SESTD1: variants seen among roughly 807,000 people sequenced by gnomAD.
SESTD1 encodes the protein SEC14 domain and spectrin repeat-containing protein 1.
SESTD1 carries 43 observed loss-of-function variants against 101.7 expected under a neutral mutation model. The observed-to-expected ratio is 0.42, with a 90% CI of 0.33 to 0.55. The LOEUF (loss-of-function observed/expected upper bound fraction) is 0.55. Among genes scored for constraint, SESTD1 ranks in the 20% least tolerant of loss-of-function variants. SESTD1 has a pLI of 0.07. For missense variants in SESTD1, 647 were observed against 815.1 expected (o/e 0.79, Z 2.51); for synonymous variants, 283 against 286.8 (o/e 0.99, Z 0.13).
chr2:179,262,982 G>C (rs1443647778), intron 1 of SESTD1, among the ~76,000 whole-genome samples: 1 of 152,134 alleles, frequency 6.6e-6, no homozygotes, highest in Non-Finnish European at 1.5e-5. Flanking sequence ...CTTATTCACA[G>C]GGGCTAAAAT....
intron 17 of SESTD1, among the ~76,000 whole-genome samples, chr2:179,111,190 G>A (rs1167726345): frequency 6.6e-6 from 1 of 152,200 alleles, no homozygotes; most frequent in East Asian, 1.9e-4. Flanking sequence ...TTGCAGATGT[G>A]TAATACAACT....
chr2:179,230,118 T>C (rs1229717523), intron 1 of SESTD1, among the ~76,000 whole-genome samples: 436 of 33,160 alleles, frequency 0.013, 23 homozygotes, highest in South Asian at 0.047. Flanking sequence ...TATCTCTTTT[T>C]TTTTTTTTTT....
intron 12 of SESTD1, among the ~76,000 whole-genome samples, chr2:179,122,310 C>T (rs2044771461): frequency 6.6e-6 from 1 of 152,124 alleles, no homozygotes; most frequent in African/African-American, 2.4e-5. Flanking sequence ...GAGAACAAGG[C>T]AAACATGTTG....
chr2:179,182,937 T>C (rs548890576), intron 3 of SESTD1, 143 bp downstream of exon 3: 1 of 512,200 alleles, frequency 2.0e-6, no homozygotes, highest in African/African-American at 2.0e-5. Flanking sequence ...ATGTTATAAG[T>C]CATTGATTTT....
rs2046703908 is a variant in SESTD1 at position 179,215,201 on chromosome 2, G to C, written c.-25-23335C>G. Among the ~76,000 whole-genome samples the C allele has an allele frequency of 1.5e-5, 2 of 134,916 alleles. 1 individual carries two copies. The highest frequency in any genetic ancestry group is 5.6e-4 in the South Asian group (2 of 3,582). The allele number at this position is 134,916 out of a possible 152,430, so 88.5% of individuals were successfully genotyped here. A position where few individuals can be genotyped will look rare whatever the true frequency, so the allele number is the denominator to read the frequency against. ...TTCAAAAAAATCAATGAATGCAGGA[G>C]CTGGTTTTTTGAAAAGATCAACAAA... On this transcript the variant is annotated intron_variant, in intron 1 of 17. Coordinates refer to ENST00000428443, the MANE Select transcript of SESTD1 (RefSeq NM_178123.5).
intron 9 of SESTD1, among the ~76,000 whole-genome samples, chr2:179,137,049 A>G (rs1300783925): frequency 6.6e-6 from 1 of 152,192 alleles, no homozygotes; most frequent in East Asian, 1.9e-4. Context: ...ATGCATTAAT[A>G]ATGGCAGTTT....
At chr2:179,244,290 CT>C (rs1485180220) in intron 1 of SESTD1, among the ~76,000 whole-genome samples, 9 of 151,828 alleles carry the variant, frequency 5.9e-5, no homozygotes, top group Non-Finnish European at 1.2e-4. Flanking sequence ...AACCCCGTCT[CT>C]TACTAAAAAT....
At chr2:179,149,973 A>C (rs573569796) in intron 6 of SESTD1, among the ~76,000 whole-genome samples, 1 of 152,294 alleles carries the variant, frequency 6.6e-6, no homozygotes. Flanking sequence ...CATGCCTGTA[A>C]TCCCAGCATT....
At chr2:179,249,674 G>A (rs186547790) in intron 1 of SESTD1, among the ~76,000 whole-genome samples, 44 of 151,914 alleles carry the variant, frequency 2.9e-4, no homozygotes, top group East Asian at 5.8e-4. Flanking sequence ...TAAAAGTTAC[G>A]TACAGAGGCA....
At chr2:179,143,953 C>A in intron 8 of SESTD1, 150 bp from the exon 9 acceptor site, 1 of 741,188 alleles carries the variant, frequency 1.3e-6, no homozygotes, top group Middle Eastern at 3.5e-4. Flanking sequence ...GTATGTATCA[C>A]AATAAGTAGG....
intron 5 of SESTD1, among the ~76,000 whole-genome samples, chr2:179,165,349 T>C (rs1295188517): frequency 1.3e-5 from 2 of 152,190 alleles, no homozygotes; most frequent in African/African-American, 4.8e-5. Context: ...TGCAGGGTAT[T>C]TAATCACTAT....
At chr2:179,179,900 C>T (rs1353222571) in intron 3 of SESTD1, among the ~76,000 whole-genome samples, 1 of 152,190 alleles carries the variant, frequency 6.6e-6, no homozygotes, top group African/African-American at 2.4e-5. Flanking sequence ...GTTAAACCTG[C>T]TCCTGCCTCA....
rs1423723463 is a variant in SESTD1 at position 179,245,481 on chromosome 2, A to G, written c.-26+19018T>C. Reference sequence around the variant, plus strand: ...CAGTGAGCCGAGATTGTGCCACAGCACTTTAGCCTGGGCGACAGAGTGAGA... The same window carrying G: ...CAGTGAGCCGAGATTGTGCCACAGCGCTTTAGCCTGGGCGACAGAGTGAGA... On this transcript the variant is annotated intron_variant, in intron 1 of 17. Coordinates refer to ENST00000428443, the MANE Select transcript of SESTD1 (RefSeq NM_178123.5). Among the ~76,000 whole-genome samples the G allele has an allele frequency of 2.1e-5, 3 of 139,724 alleles. No individual in the cohort carries two copies. In the South Asian group the frequency reaches 6.9e-4, roughly 32 times the overall value. The allele number at this position is 139,724 out of a possible 152,430, so 91.7% of individuals were successfully genotyped here.
At chr2:179,199,053 C>T (rs561723114) in intron 1 of SESTD1, among the ~76,000 whole-genome samples, 39 of 152,018 alleles carry the variant, frequency 2.6e-4, no homozygotes, top group South Asian at 6.2e-4. Context: ...ATTGATAGAG[C>T]GCTAGCAAGA....
intron 4 of SESTD1, chr2:179,174,458 T>C (rs1451097528): frequency 4.3e-6 from 2 of 468,374 alleles, no homozygotes. Context: ...AAACAGCTCA[T>C]CTGTGACACA....
At chr2:179,162,052 T>C (rs2045746218) in intron 5 of SESTD1, among the ~76,000 whole-genome samples, 1 of 152,184 alleles carries the variant, frequency 6.6e-6, no homozygotes, top group Admixed American at 6.5e-5. Context: ...ATCCTTATTC[T>C]CCTTAAGTTG....
At chr2:179,220,808 T>G (rs1049046095) in intron 1 of SESTD1, among the ~76,000 whole-genome samples, 1 of 152,148 alleles carries the variant, frequency 6.6e-6, no homozygotes, top group African/African-American at 2.4e-5. Flanking sequence ...CAAAACCTCA[T>G]TCTCTCCCAA....
chr2:179,212,606 G>C lies in SESTD1; in HGVS notation c.-25-20740C>G, dbSNP rs553587676. ...GCAGACAACTTCTGCAGACTTACAA[G>C]TCCCTGTCTGACAGCTCTGAAGAGA... is the stretch of plus-strand genomic sequence containing the variant. On this transcript the variant is annotated intron_variant, in intron 1 of 17. Coordinates refer to ENST00000428443, the MANE Select transcript of SESTD1 (RefSeq NM_178123.5). 1.3e-4 allele frequency among the ~76,000 whole-genome samples: 18 copies of C among 136,052 alleles called. 4 individuals carry two copies. The highest frequency in any genetic ancestry group is 2.6e-4 in the African/African-American group (9 of 34,614). 89.3% of individuals were successfully genotyped at this position (136,052 alleles called of 152,430 possible).
At chr2:179,185,772 CATATACAATATA>C (rs1559134412) in intron 2 of SESTD1, among the ~76,000 whole-genome samples, 1 of 106,938 alleles carries the variant, frequency 9.4e-6, no homozygotes, top group East Asian at 2.9e-4. Flanking sequence ...TATAATATAG[CATATACAATATA>C]GTATACAATA....
Sources: gnomAD v4.1 joint callset for allele counts (sites outside exome capture counted in the v4.1 genomes callset) on GRCh38, gnomAD v4.1.1 for gene constraint, MANE v1.5 for transcripts, NCBI Gene and HGNC (gene_info 2026-07-23, HGNC 2026-07-21) for gene names.